The following LRP1B variants were observed in gnomAD, a reference collection of about 807,000 sequenced individuals.
LRP1B encodes LDL receptor related protein 1B.
LRP1B carries 217 observed loss-of-function variants against 556.6 expected under a neutral mutation model. That is an observed-to-expected ratio of 0.39 (90% CI 0.35 to 0.44). LRP1B has a LOEUF of 0.44. Ranked by LOEUF, LRP1B falls within the 20% of genes least tolerant of loss-of-function variation. The pLI is 1.00. For synonymous variants in LRP1B, 2,047 were observed against 1,865.8 expected, an observed-to-expected ratio of 1.10 and a Z score of -2.50; for missense variants, 5,053 against 5,620.8, an observed-to-expected ratio of 0.90 and a Z score of 3.23.
At chr2:140,763,192 A>C (rs1310440803) in intron 35 of LRP1B, among the ~76,000 whole-genome samples, 1 of 152,126 alleles carries the variant, frequency 6.6e-6, no homozygotes, top group Non-Finnish European at 1.5e-5. Flanking sequence ...TATAATTTAA[A>C]AATTTTTCAA....
chr2:141,060,759 A>G (rs1699312026), intron 8 of LRP1B, among the ~76,000 whole-genome samples: 1 of 151,712 alleles, frequency 6.6e-6, no homozygotes, highest in African/African-American at 2.4e-5. Context: ...TAAAACAGGC[A>G]CCTCTGCTAA....
intron 7 of LRP1B, among the ~76,000 whole-genome samples, chr2:141,071,688 C>T (rs1699648117): frequency 6.6e-6 from 1 of 152,110 alleles, no homozygotes; most frequent in South Asian, 2.1e-4. Flanking sequence ...ACAAAAAGCA[C>T]AAGCATTCTT....
intron 55 of LRP1B, among the ~76,000 whole-genome samples, chr2:140,496,999 C>A (rs1240819037): frequency 6.6e-6 from 1 of 150,460 alleles, no homozygotes; most frequent in African/African-American, 2.4e-5. Context: ...GATATATGTC[C>A]ATATTAATAA....
intron 3 of LRP1B, among the ~76,000 whole-genome samples, chr2:141,371,295 AAGTCAG>A (rs1303293557): frequency 3.9e-5 from 6 of 152,160 alleles, no homozygotes; most frequent in African/African-American, 1.4e-4. Flanking sequence ...GTATTATCTG[AAGTCAG>A]ACAATGTAAT....
intron 6 of LRP1B, among the ~76,000 whole-genome samples, chr2:141,218,317 A>G (rs1682897611): frequency 6.6e-6 from 1 of 152,230 alleles, no homozygotes; most frequent in Admixed American, 6.5e-5. Context: ...TCATTCCACC[A>G]AAAAGACACA....
intron 21 of LRP1B, among the ~76,000 whole-genome samples, chr2:140,916,434 A>C (rs1430797317): frequency 6.6e-6 from 1 of 152,220 alleles, no homozygotes; most frequent in East Asian, 1.9e-4. Flanking sequence ...AGAAGCCCAT[A>C]GAGAATTTTC....
At chr2:140,690,066 G>T (rs1686183856) in intron 41 of LRP1B, among the ~76,000 whole-genome samples, 1 of 151,596 alleles carries the variant, frequency 6.6e-6, no homozygotes, top group South Asian at 2.1e-4. Context: ...CACAGGAAAA[G>T]CTCATCCATC....
chr2:141,622,752 G>C (rs1169019377), intron 2 of LRP1B, among the ~76,000 whole-genome samples: 3 of 152,090 alleles, frequency 2.0e-5, no homozygotes, highest in Non-Finnish European at 4.4e-5. Flanking sequence ...CGTGCTGCTG[G>C]GATGACATTG....
intron 35 of LRP1B, among the ~76,000 whole-genome samples, chr2:140,747,000 C>A (rs1417405198): frequency 1.3e-5 from 2 of 152,010 alleles, no homozygotes; most frequent in Admixed American, 6.6e-5. Flanking sequence ...GTATTAAATT[C>A]AGAATCAAAA....
At chr2:140,604,425 A>G (rs16844322) in intron 41 of LRP1B, among the ~76,000 whole-genome samples, 20,402 of 151,976 alleles carry the variant, frequency 0.13, 1,795 homozygotes, top group South Asian at 0.25. Context: ...TTCCATAGCC[A>G]TGATAGGGAA....
intron 7 of LRP1B, among the ~76,000 whole-genome samples, chr2:141,153,299 A>ATTAT (rs1344077435): frequency 4.8e-4 from 60 of 124,166 alleles, no homozygotes; most frequent in Non-Finnish European, 8.5e-4. Flanking sequence ...ATTTATATAT[A>ATTAT]ATATATTATA....
At chr2:141,065,746 T>A (rs958454918) in intron 7 of LRP1B, among the ~76,000 whole-genome samples, 1 of 151,880 alleles carries the variant, frequency 6.6e-6, no homozygotes, top group Non-Finnish European at 1.5e-5. Context: ...TCAATGGTGG[T>A]TTGGAATCCC....
chr2:141,468,234 C>T (rs1422475659), intron 3 of LRP1B, among the ~76,000 whole-genome samples: 2 of 152,110 alleles, frequency 1.3e-5, no homozygotes, highest in Non-Finnish European at 2.9e-5. Context: ...CCCTGACTTA[C>T]TGAAATGGAA....
intron 23 of LRP1B, among the ~76,000 whole-genome samples, chr2:140,889,053 A>G (rs1197765293): frequency 6.6e-6 from 1 of 152,182 alleles, no homozygotes; most frequent in East Asian, 1.9e-4. Flanking sequence ...AATGTGAAAA[A>G]AAGTAAAACC....
intron 41 of LRP1B, among the ~76,000 whole-genome samples, chr2:140,621,876 A>T (rs1359663109): frequency 1.3e-5 from 2 of 152,218 alleles, no homozygotes; most frequent in Admixed American, 1.3e-4. Flanking sequence ...TCTTCATCTG[A>T]CTTTCCTGGA....
At chr2:141,189,297 G>A (rs749329579) in intron 6 of LRP1B, among the ~76,000 whole-genome samples, 2 of 151,946 alleles carry the variant, frequency 1.3e-5, no homozygotes, top group African/African-American at 4.8e-5. Flanking sequence ...AGAGACTTGA[G>A]TATGGGATTT....
chr2:141,402,680 T>C (rs1406181839), intron 3 of LRP1B, among the ~76,000 whole-genome samples: 1 of 152,086 alleles, frequency 6.6e-6, no homozygotes, highest in Non-Finnish European at 1.5e-5. Context: ...TCAAAAAACT[T>C]GCAAACTATG....
chr2:140,775,606 C>A (rs1689467908), intron 33 of LRP1B, among the ~76,000 whole-genome samples: 1 of 151,164 alleles, frequency 6.6e-6, no homozygotes, highest in African/African-American at 2.4e-5. Context: ...GGTAGTGTGA[C>A]AAGTCTACCT....
intron 3 of LRP1B, among the ~76,000 whole-genome samples, chr2:141,335,284 T>C (rs112080903): frequency 0.021 from 3,173 of 152,216 alleles, 57 homozygotes; most frequent in Non-Finnish European, 0.034. Context: ...AACAATACTG[T>C]TACATGAGAA....
Sources: gnomAD v4.1 joint callset for allele counts (sites outside exome capture counted in the v4.1 genomes callset) on GRCh38, gnomAD v4.1.1 for gene constraint, MANE v1.5 for transcripts, NCBI Gene and HGNC (gene_info 2026-07-23, HGNC 2026-07-21) for gene names.